SLC47A2: variants seen among roughly 807,000 people sequenced by gnomAD.
SLC47A2 encodes the protein solute carrier family 47 member 2.
A neutral mutation model predicts 67.7 loss-of-function variants in SLC47A2; 52 were observed. The ratio of observed to expected loss-of-function variants is 0.77; its 90% CI spans 0.61 to 0.97. The LOEUF (loss-of-function observed/expected upper bound fraction) is 0.97, where lower values mean the gene tolerates loss of function less well. SLC47A2 is among the 50% of genes least tolerant of loss of function. The probability of loss-of-function intolerance (pLI) is 0.00; values close to 1 mark genes in which losing one functional copy is unlikely to be tolerated. For synonymous variants in SLC47A2, 278 were observed against 292.9 expected (o/e 0.95, Z 0.52); for missense variants, 676 against 712.3 (o/e 0.95, Z 0.58).
Position 19,707,809 on chromosome 17 carries a change from C to T in SLC47A2, c.664G>A (p.Ala222Thr). ...TAGAGAAGGAGGAAGACGGTCTGTGCAAACTGGGAGATGATGTTGGCATAG... is the reference window on the plus strand; with the variant it reads ...TAGAGAAGGAGGAAGACGGTCTGTGTAAACTGGGAGATGATGTTGGCATAG... ...SAYANIISQF[A>T]QTVFLLLYIV... The change falls in exon 8 of 17, where the codon GCA (alanine) becomes ACA (threonine). Residue 222 changes from alanine (A) to threonine (T), a missense_variant. Ala to Thr is a moderately conservative substitution (Grantham distance 58). Transcript: ENST00000433844. 1 of 1,604,764 alleles carries T rather than the reference C, an allele frequency of 6.2e-7. No homozygotes were observed. Among genetic ancestry groups the T allele is most frequent in the Non-Finnish European group, 8.5e-7 (1 of 1,175,672 alleles).
chr17:19,692,371 T>C, intron 13 of SLC47A2: 3 of 393,162 alleles, frequency 7.6e-6, no homozygotes, highest in South Asian at 5.6e-5. Flanking sequence ...GCATCACTGC[T>C]GACCATAAAG....
Position 19,702,600 on chromosome 17 carries a change from C to G in SLC47A2, c.1164+5G>C. On this transcript the variant is annotated splice_donor_5th_base_variant and intron_variant, in intron 13 of 16. Transcript: ENST00000433844. ...AGTCAGGCTTTGGATCAAAGTGGTACTTACACAGATGGCCTCAAACACGTG... is the reference window on the plus strand; with the variant it reads ...AGTCAGGCTTTGGATCAAAGTGGTAGTTACACAGATGGCCTCAAACACGTG... The G allele has an allele frequency of 6.2e-7, 1 of 1,613,792 alleles. No homozygotes were observed. Among genetic ancestry groups the G allele is most frequent in the Non-Finnish European group, 8.5e-7 (1 of 1,179,924 alleles).
In SLC47A2 at chr17:19,716,427, C is replaced by T; in HGVS notation, c.123+6G>A. ...CCCTACCTGCCCCCCAGCTCCTCCTCCTTACCAGGGGTCCAGAAAGGGCAA... is the reference window on the plus strand; with the variant it reads ...CCCTACCTGCCCCCCAGCTCCTCCTTCTTACCAGGGGTCCAGAAAGGGCAA... On this transcript the variant is annotated splice_donor_region_variant and intron_variant, in intron 1 of 16. Transcript: ENST00000433844. 6.2e-7 allele frequency: 1 copy of T among 1,607,746 alleles called. No homozygotes were observed. Among genetic ancestry groups the T allele is most frequent in the Non-Finnish European group, 8.5e-7 (1 of 1,177,268 alleles).
At chr17:19,680,539 AC>A (rs1260680967) in intron 15 of SLC47A2, among the ~76,000 whole-genome samples, 1 of 152,174 alleles carries the variant, frequency 6.6e-6, no homozygotes, top group Non-Finnish European at 1.5e-5. Flanking sequence ...TGTCAGGATG[AC>A]TTTTTCTGTG....
At chr17:19,698,622 A>G (rs11658227) in intron 13 of SLC47A2, among the ~76,000 whole-genome samples, 59,078 of 152,020 alleles carry the variant, frequency 0.39, 11,527 homozygotes, top group East Asian at 0.4. Flanking sequence ...CCCAAAGTCC[A>G]GGGATTACAA....
At position 19,678,520 on chromosome 17, in the gene SLC47A2, A is replaced by ACC. The variant is rs1251364037; in HGVS notation, c.*164_*165dup. On this transcript the variant is annotated 3_prime_UTR_variant, in exon 17 of 17. Transcript: ENST00000433844. Reference sequence around the variant, plus strand: ...GAACAGAATTGTCAAGTCTGTTCAGACCCCTCTGAGTGTCACCACAAGGAA... The same window carrying ACC: ...GAACAGAATTGTCAAGTCTGTTCAGACCCCCCTCTGAGTGTCACCACAAGGAA... 3.0e-6 allele frequency: 2 copies of ACC among 666,642 alleles called. No homozygotes were observed. The highest frequency in any genetic ancestry group is 3.6e-5 in the African/African-American group (2 of 55,044). The allele number at this position is 666,642 out of a possible 1,614,324, so 41.3% of individuals were successfully genotyped here. A position where few individuals can be genotyped will look rare whatever the true frequency, so the allele number is the denominator to read the frequency against.
rs1413089208 is a variant in SLC47A2, at chr17:19,685,036, G to C, written c.1165-3366C>G. On this transcript the variant is annotated intron_variant, in intron 13 of 16. Transcript: ENST00000433844. The surrounding 1 kb of genome is among the most constrained non-coding windows in gnomAD (Gnocchi z 4.5). Reference sequence around the variant, plus strand: ...GGTTTTTGTATTTTTGGTGGAGATGGGGTTTCGCCGTGTTGACCGGGCTGG... The same window carrying C: ...GGTTTTTGTATTTTTGGTGGAGATGCGGTTTCGCCGTGTTGACCGGGCTGG... Among the ~76,000 whole-genome samples the C allele has an allele frequency of 6.6e-6, 1 of 152,142 alleles. No homozygotes were observed. The highest frequency in any genetic ancestry group is 1.9e-4 in the East Asian group (1 of 5,176).
intron 6 of SLC47A2, 137 bp from the exon 7 acceptor site, chr17:19,708,536 G>A (rs1331335998): frequency 2.5e-6 from 4 of 1,608,726 alleles, no homozygotes; most frequent in Non-Finnish European, 2.6e-6. Flanking sequence ...AGGCTGGGAC[G>A]CACAGCCTCT....
At chr17:19,688,836 G>A (rs2085480729) in intron 13 of SLC47A2, among the ~76,000 whole-genome samples, 1 of 147,484 alleles carries the variant, frequency 6.8e-6, no homozygotes. Flanking sequence ...GGGATTACAG[G>A]CGTGAGTCAC....
chr17:19,701,293 A>T (rs2085780912), intron 13 of SLC47A2, among the ~76,000 whole-genome samples: 2 of 152,218 alleles, frequency 1.3e-5, no homozygotes, highest in South Asian at 2.1e-4. Flanking sequence ...CCAGAGAGGG[A>T]ATTTCTGCTG....
chr17:19,695,501 A>G (rs1430129425), intron 13 of SLC47A2, among the ~76,000 whole-genome samples: 101 of 136,758 alleles, frequency 7.4e-4, no homozygotes, highest in African/African-American at 2.8e-3. Context: ...ACAAAGAACA[A>G]AAAAAAAAAA....
chr17:19,715,140 C>G lies in SLC47A2; in HGVS notation c.201G>C (p.Leu67=), dbSNP rs2086217591. ...VFCGHLGKVE[L]ASVTLAVAFV... is the part of the protein sequence containing the mutation. ...CGGCCACCGCGAGGGTCACCGATGC[C>G]AGCTCCACCTTGCCCAGGTGCCCGC... is the stretch of plus-strand genomic sequence containing the variant. Residue 67 remains leucine (L), a synonymous_variant, in exon 2 of 17, where the codon CTG becomes CTC. Transcript: ENST00000433844. 5 of 1,612,432 alleles carry G rather than the reference C, an allele frequency of 3.1e-6. No individual in the cohort carries two copies. Among genetic ancestry groups the G allele is most frequent in the African/African-American group, 1.3e-5 (1 of 74,942 alleles).
At chr17:19,702,302 A>G (rs887571466) in intron 13 of SLC47A2, 15 of 985,204 alleles carry the variant, frequency 1.5e-5, no homozygotes, top group African/African-American at 1.7e-5. Flanking sequence ...GGTCAATGTC[A>G]TGGTCCCAGC....
intron 13 of SLC47A2, chr17:19,702,357 G>C: frequency 7.1e-6 from 7 of 985,360 alleles, no homozygotes; most frequent in Non-Finnish European, 8.4e-6. Context: ...TTACACTGCT[G>C]CAATTTTTCA....
chr17:19,710,257 C>T (rs774789228), intron 5 of SLC47A2, among the ~76,000 whole-genome samples: 78 of 152,212 alleles, frequency 5.1e-4, no homozygotes, highest in Non-Finnish European at 9.9e-4. Flanking sequence ...TACAGATCCC[C>T]GGGTCACTGG....
rs1376499824 is a variant in SLC47A2, at chr17:19,680,279, G to C, written c.1393-240C>G. 2.6e-5 allele frequency among the ~76,000 whole-genome samples: 4 copies of C among 151,974 alleles called. No homozygotes were observed. In the East Asian group the frequency reaches 7.7e-4, roughly 29 times the overall value. Reference sequence around the variant, plus strand: ...GATTGCTGGAGCTCAGGAATTCAAGGCCAGTCTGGGCAATATAGTGAAACC... The same window carrying C: ...GATTGCTGGAGCTCAGGAATTCAAGCCCAGTCTGGGCAATATAGTGAAACC... On this transcript the variant is annotated intron_variant, in intron 15 of 16. Coordinates refer to ENST00000433844, the MANE Select transcript of SLC47A2 (RefSeq NM_001099646.3).
intron 10 of SLC47A2, 109 bp from the exon 11 acceptor site, chr17:19,704,287 C>G: frequency 1.2e-6 from 1 of 833,390 alleles, no homozygotes; most frequent in East Asian, 2.8e-5. Flanking sequence ...GAGCAGATCT[C>G]AGGCATGCAG....
chr17:19,716,567 G>T lies in SLC47A2; in HGVS notation c.-12C>A. On this transcript the variant is annotated 5_prime_UTR_variant, in exon 1 of 17. Transcript: ENST00000433844. ...TGGAGGCTGTCCATTCCTGGCCGGG[G>T]CACTGGCTACCCTGCACGCCTGAGC... 6.3e-6 allele frequency: 10 copies of T among 1,593,612 alleles called. No homozygotes were observed. The highest frequency in any genetic ancestry group is 6.8e-6 in the Non-Finnish European group (8 of 1,171,228).
At chr17:19,694,675 T>C (rs1019700340) in intron 13 of SLC47A2, among the ~76,000 whole-genome samples, 5 of 152,172 alleles carry the variant, frequency 3.3e-5, no homozygotes, top group Non-Finnish European at 7.3e-5. Flanking sequence ...CCCAGCACTT[T>C]GGGAGGCCAA....
Sources: gnomAD v4.1 joint callset for allele counts (sites outside exome capture counted in the v4.1 genomes callset) on GRCh38, gnomAD v4.1.1 for gene constraint, Gnocchi (gnomAD v3.1) non-coding constraint, MANE v1.5 for transcripts, NCBI Gene and HGNC (gene_info 2026-07-23, HGNC 2026-07-21) for gene names.